Variants in HMCN2 observed in about 807,000 individuals in gnomAD.
HMCN2 encodes hemicentin 2.
In HMCN2, 325 loss-of-function variants were observed where a neutral mutation model predicts 377.5. The observed-to-expected ratio is 0.86, with a 90% CI of 0.79 to 0.94. The LOEUF is 0.94. Ranked by LOEUF, HMCN2 falls within the 40% of genes least tolerant of loss-of-function variation. HMCN2 has a pLI of 0.00. For missense variants in HMCN2, 4,543 were observed against 4,725.3 expected (o/e 0.96, Z 1.13); for synonymous variants, 2,007 against 2,046.8 (o/e 0.98, Z 0.53).
intron 1 of HMCN2, among the ~76,000 whole-genome samples, chr9:130,279,996 C>A (rs1345561469): frequency 2.6e-5 from 4 of 152,126 alleles, no homozygotes; most frequent in Non-Finnish European, 5.9e-5. Context: ...CGCCCTACTG[C>A]TGCTTTGAAG....
At position 130,378,887 on chromosome 9, in the gene HMCN2, G is replaced by A. The variant is rs143704882; in HGVS notation, c.8213-362G>A. 7.9e-5 allele frequency among the ~76,000 whole-genome samples: 12 copies of A among 152,216 alleles called. No individual in the cohort carries two copies. In the East Asian group the frequency reaches 2.3e-3, roughly 29 times the overall value. On this transcript the variant is annotated intron_variant, in intron 53 of 97. Coordinates refer to ENST00000683500, the MANE Select transcript of HMCN2 (RefSeq NM_001291815.2). The stretch of plus-strand genomic sequence containing the variant: ...GTGATCAGAGCAGGTGACCTTGAGG[G>A]CCCCCCTCCATTTCTAAAGCTGATG...
chr9:130,384,990 C>A (rs1841941462), intron 59 of HMCN2, among the ~76,000 whole-genome samples, 192 bp downstream of exon 59: 1 of 152,180 alleles, frequency 6.6e-6, no homozygotes, highest in African/African-American at 2.4e-5. Flanking sequence ...GAAGGGGCCT[C>A]CCCAAGCCTT....
intron 1 of HMCN2, among the ~76,000 whole-genome samples, chr9:130,267,435 A>AACACACACACAC (rs36122739): frequency 2.1e-5 from 3 of 145,810 alleles, no homozygotes; most frequent in Non-Finnish European, 4.5e-5. Flanking sequence ...CCCCAAATAA[A>AACACACACACAC]ACACACACAC....
chr9:130,390,558 C>A lies in HMCN2; in HGVS notation c.9524-419C>A, dbSNP rs576507866. ...AGAATGAAGGGGGAGGCCTGAAGGCCGGGAGTGGGAGGAGCCCGAGCAGAG... is the reference window on the plus strand; with the variant it reads ...AGAATGAAGGGGGAGGCCTGAAGGCAGGGAGTGGGAGGAGCCCGAGCAGAG... On this transcript the variant is annotated intron_variant, in intron 62 of 97. Transcript: ENST00000683500. Among the ~76,000 whole-genome samples the A allele has an allele frequency of 2.0e-5, 3 of 152,178 alleles. No homozygotes were observed. In the South Asian group the frequency reaches 6.2e-4, roughly 32 times the overall value.
rs1253196905 is a variant in HMCN2 at position 130,311,489 on chromosome 9, A to T, written c.2350+1428A>T. Among the ~76,000 whole-genome samples, 80 of 152,204 alleles carry T rather than the reference A, an allele frequency of 5.3e-4. 2 individuals are homozygous for T. Among genetic ancestry groups the T allele is most frequent in the Admixed American group, 5.2e-3 (79 of 15,288 alleles). On this transcript the variant is annotated intron_variant, in intron 15 of 97. Transcript: ENST00000683500. ...GGACACAGGGCAGGTGAGACACAGCATCAACCTTTGTGTTGCTCATGAGCT... is the reference window on the plus strand; with the variant it reads ...GGACACAGGGCAGGTGAGACACAGCTTCAACCTTTGTGTTGCTCATGAGCT...
At position 130,395,969 on chromosome 9, in the gene HMCN2, C is replaced by G. The variant is rs1285741456; in HGVS notation, c.10957C>G (p.Leu3653Val). The G allele has an allele frequency of 6.2e-6, 8 of 1,287,608 alleles. No homozygotes were observed. The highest frequency in any genetic ancestry group is 8.1e-6 in the Non-Finnish European group (8 of 988,738). The allele number at this position is 1,287,608 out of a possible 1,614,324, so 79.8% of individuals were successfully genotyped here. ...QFPERGRFLQ[L>V]QALSTADSGD... Reference sequence around the variant, plus strand: ...CCCGGAGCGGGGCAGGTTCCTCCAGCTGCAGGCCCTGAGCACGGCTGACAG... The same window carrying G: ...CCCGGAGCGGGGCAGGTTCCTCCAGGTGCAGGCCCTGAGCACGGCTGACAG... Residue 3653 changes from leucine (L) to valine (V), a missense_variant, in exon 72 of 98, where the codon CTG becomes GTG. By Grantham distance (32) the Leu-to-Val change is conservative. Coordinates refer to ENST00000683500, the MANE Select transcript of HMCN2 (RefSeq NM_001291815.2).
Position 130,374,805 on chromosome 9 carries a change from T to A in HMCN2, c.7630+112T>A, listed in dbSNP as rs116040991. 4.6e-3 allele frequency: 2,066 copies of A among 448,838 alleles called. 43 individuals are homozygous for A. Among genetic ancestry groups the A allele is most frequent in the African/African-American group, 0.041 (1,942 of 46,922 alleles). The allele number at this position is 448,838 out of a possible 1,614,324, so 27.8% of individuals were successfully genotyped here. Reference sequence around the variant, plus strand: ...AACCATTCTACTATTTTTCTTCTAATTCTCCGAGTTTGACAACAAAAATCA... The same window carrying A: ...AACCATTCTACTATTTTTCTTCTAAATCTCCGAGTTTGACAACAAAAATCA... On this transcript the variant is annotated intron_variant, in intron 49 of 97. Coordinates refer to ENST00000683500, the MANE Select transcript of HMCN2 (RefSeq NM_001291815.2).
chr9:130,362,182 G>A lies in HMCN2; in HGVS notation c.6108+17G>A. 1 of 985,880 alleles carries A rather than the reference G, an allele frequency of 1.0e-6. No individual in the cohort carries two copies. Among genetic ancestry groups the A allele is most frequent in the Non-Finnish European group, 1.2e-6 (1 of 829,938 alleles). 61.1% of individuals were successfully genotyped at this position (985,880 alleles called of 1,614,324 possible). ...GGCCTGCAGGTCAGTAGGGCTGGGTGGCCCCGGCTCAACCTCCCTGCACCT... is the reference window on the plus strand; with the variant it reads ...GGCCTGCAGGTCAGTAGGGCTGGGTAGCCCCGGCTCAACCTCCCTGCACCT... On this transcript the variant is annotated intron_variant, in intron 39 of 97. Coordinates refer to ENST00000683500, the MANE Select transcript of HMCN2 (RefSeq NM_001291815.2).
At position 130,406,102 on chromosome 9, in the gene HMCN2, C is replaced by T. The variant is rs755968537; in HGVS notation, c.12487C>T (p.Arg4163Cys). The change falls in exon 82 of 98, where the codon CGC becomes TGC. Residue 4163 changes from arginine (R) to cysteine (C), a missense_variant. Coordinates refer to ENST00000683500, the MANE Select transcript of HMCN2 (RefSeq NM_001291815.2). ...GCGCCTTGGGGACAGGCTGTGGCTT[C>T]GCTGTGCAGCCCGGGGCAGCCCCAC... is the stretch of plus-strand genomic sequence containing the variant. ...SLRLGDRLWL[R>C]CAARGSPTPR... is the part of the protein sequence containing the mutation. The T allele has an allele frequency of 6.1e-5, 79 of 1,289,876 alleles. No homozygotes were observed. In the East Asian group the frequency reaches 1.3e-3, roughly 22 times the overall value. 79.9% of individuals were successfully genotyped at this position (1,289,876 alleles called of 1,614,324 possible).
chr9:130,266,916 TCCCAG>T (rs1554919239), intron 1 of HMCN2, among the ~76,000 whole-genome samples: 1 of 151,480 alleles, frequency 6.6e-6, no homozygotes, highest in African/African-American at 2.4e-5. Context: ...AGCTGCAGGT[TCCCAG>T]CGGCGAGGAG....
intron 15 of HMCN2, among the ~76,000 whole-genome samples, chr9:130,312,697 G>A (rs1041721364): frequency 2.1e-5 from 3 of 140,744 alleles, no homozygotes; most frequent in African/African-American, 2.7e-5. Flanking sequence ...ATGGAGTCTC[G>A]CTCTGTTGCC....
chr9:130,339,485 A>G (rs1485517025), intron 23 of HMCN2, among the ~76,000 whole-genome samples: 1 of 152,214 alleles, frequency 6.6e-6, no homozygotes, highest in Non-Finnish European at 1.5e-5. Context: ...AGAGAGACAC[A>G]GGAACAGGGA....
intron 43 of HMCN2, among the ~76,000 whole-genome samples, chr9:130,367,207 C>T (rs1840742931): frequency 6.6e-6 from 1 of 151,914 alleles, no homozygotes; most frequent in Non-Finnish European, 1.5e-5. Flanking sequence ...GGTGGAAAGA[C>T]CTAGCGTTTG....
intron 35 of HMCN2, 91 bp from the exon 36 acceptor site, chr9:130,358,299 G>GC (rs1840158841): frequency 3.9e-6 from 5 of 1,290,604 alleles, no homozygotes; most frequent in Non-Finnish European, 5.1e-6. Context: ...CACTGCTCCT[G>GC]CCCCCGGGCT....
intron 15 of HMCN2, among the ~76,000 whole-genome samples, chr9:130,312,349 T>A (rs1837288892): frequency 6.6e-6 from 1 of 151,870 alleles, no homozygotes; most frequent in Non-Finnish European, 1.5e-5. Context: ...CTGACACTGG[T>A]ATTAGAGGTT....
chr9:130,429,483 G>T, intron 93 of HMCN2, 74 bp from the exon 94 acceptor site: 1 of 1,527,922 alleles, frequency 6.5e-7, no homozygotes, highest in Non-Finnish European at 8.8e-7. Context: ...AGATATGGAG[G>T]GGGATGGTCC....
Position 130,296,690 on chromosome 9 carries a change from G to C in HMCN2, c.908G>C (p.Arg303Pro), listed in dbSNP as rs1390840446. The change falls in exon 7 of 98, where the codon CGC (arginine) becomes CCC (proline). Residue 303 changes from arginine to proline, a missense_variant. Around this residue, in one of 5 missense-constraint regions of HMCN2, gnomAD observed 547 missense variants for 189.9 expected, o/e 2.88. Coordinates refer to ENST00000683500, the MANE Select transcript of HMCN2 (RefSeq NM_001291815.2). ...LWSIKVYSSG[R>P]HSVRITGVSN... ...CTGCGCTAGGTCTATAGCAGTGGCCGCCATTCAGTGAGGATCACAGGCGTC... is the reference window on the plus strand; with the variant it reads ...CTGCGCTAGGTCTATAGCAGTGGCCCCCATTCAGTGAGGATCACAGGCGTC... 2.1e-6 allele frequency: 1 copy of C among 470,942 alleles called. No individual in the cohort carries two copies. Among genetic ancestry groups the C allele is most frequent in the African/African-American group, 2.0e-5 (1 of 50,054 alleles). The allele number at this position is 470,942 out of a possible 1,614,324, so 29.2% of individuals were successfully genotyped here.
chr9:130,289,037 C>T (rs1022089056), intron 4 of HMCN2, among the ~76,000 whole-genome samples: 14 of 152,346 alleles, frequency 9.2e-5, no homozygotes, highest in Admixed American at 4.6e-4. Context: ...CACAGCTCAA[C>T]GCACTGTCAC....
rs561028858 is a variant in HMCN2, at chr9:130,427,672, G to A, written c.14065+53G>A. The A allele has an allele frequency of 1.1e-5, 16 of 1,519,442 alleles. No individual in the cohort carries two copies. The East Asian group carries it at 3.7e-4, about 35-fold the overall frequency. The allele number at this position is 1,519,442 out of a possible 1,614,324, so 94.1% of individuals were successfully genotyped here. A position where few individuals can be genotyped will look rare whatever the true frequency, so the allele number is the denominator to read the frequency against. ...AGACGCGCTCCTCAGACCTGACCCA[G>A]GTGTGCAGAAGGGTCCCCAGGGCCA... On this transcript the variant is annotated intron_variant, in intron 92 of 97. Coordinates refer to ENST00000683500, the MANE Select transcript of HMCN2 (RefSeq NM_001291815.2).
Sources: gnomAD v4.1 joint callset for allele counts (sites outside exome capture counted in the v4.1 genomes callset) on GRCh38, gnomAD v4.1.1 for gene constraint, gnomAD v4.1.1 regional missense constraint, MANE v1.5 for transcripts, NCBI Gene and HGNC (gene_info 2026-07-23, HGNC 2026-07-21) for gene names.